Variants in LRP6 observed in about 807,000 individuals in gnomAD.
LRP6 encodes the protein low-density lipoprotein receptor-related protein 6.
In LRP6, 43 loss-of-function variants were observed where a neutral mutation model predicts 184.1. The ratio of observed to expected loss-of-function variants is 0.23; its 90% confidence interval spans 0.18 to 0.30. The LOEUF is 0.30. LRP6 is among the 10% of genes least tolerant of loss of function. The probability of loss-of-function intolerance (pLI) is 1.00; values close to 1 mark genes in which losing one functional copy is unlikely to be tolerated. For synonymous variants in LRP6, 719 were observed against 684.9 expected (o/e 1.05, Z -0.78); for missense variants, 1,571 against 2,005.3 (o/e 0.78, Z 4.14).
chr12:12,121,139 G>GT lies in LRP6; in HGVS notation c.4828dup (p.Thr1610AsnfsTer20). On this transcript the variant is annotated frameshift_variant, in exon 23 of 23. Transcript: ENST00000261349. LOFTEE classifies it high-confidence loss of function. ...GAGGGCCCCTCCTCAGGAGGAGTCT[G>GT]TACAGGGAGAGGGTGGCGGTGGGTA... is the stretch of plus-strand genomic sequence containing the variant. 1 of 1,611,872 alleles carries GT rather than the reference G, an allele frequency of 6.2e-7. No homozygotes were observed.
At chr12:12,167,088 T>G (rs1415957336) in intron 7 of LRP6, among the ~76,000 whole-genome samples, 1 of 152,030 alleles carries the variant, frequency 6.6e-6, no homozygotes, top group South Asian at 2.1e-4. Context: ...AACTCCAGCC[T>G]AGGAAAAAAA....
chr12:12,243,116 T>C (rs1291449708), intron 2 of LRP6, among the ~76,000 whole-genome samples: 1 of 152,226 alleles, frequency 6.6e-6, no homozygotes, highest in Admixed American at 6.5e-5. Context: ...CATGTTCAGA[T>C]AGTTATCTAT....
At chr12:12,245,227 T>C (rs1369499438) in intron 1 of LRP6, among the ~76,000 whole-genome samples, 1 of 152,156 alleles carries the variant, frequency 6.6e-6, no homozygotes, top group Non-Finnish European at 1.5e-5. Context: ...GATAAAAAAC[T>C]GTGATACTGC....
intron 2 of LRP6, among the ~76,000 whole-genome samples, chr12:12,224,034 T>C (rs146010134): frequency 2.0e-5 from 3 of 152,318 alleles, no homozygotes; most frequent in African/African-American, 7.2e-5. Context: ...CCTTTAGTAT[T>C]ACAGGCACTA....
intron 7 of LRP6, among the ~76,000 whole-genome samples, chr12:12,166,128 G>C (rs917116230): frequency 6.6e-6 from 1 of 152,120 alleles, no homozygotes; most frequent in African/African-American, 2.4e-5. Context: ...GGTAGGAGCA[G>C]ATATTGTTCA....
chr12:12,224,177 T>C (rs1864556272), intron 2 of LRP6, among the ~76,000 whole-genome samples: 1 of 152,228 alleles, frequency 6.6e-6, no homozygotes, highest in Non-Finnish European at 1.5e-5. Flanking sequence ...CCCAGCCTCC[T>C]AAAAGATGGT....
At chr12:12,176,223 A>AG (rs1863179353) in intron 7 of LRP6, among the ~76,000 whole-genome samples, 2 of 152,208 alleles carry the variant, frequency 1.3e-5, no homozygotes. Flanking sequence ...TGGTGGCAGA[A>AG]GTACTGTGCA....
chr12:12,246,387 A>G (rs1436856060), intron 1 of LRP6, among the ~76,000 whole-genome samples: 1 of 151,768 alleles, frequency 6.6e-6, no homozygotes, highest in Non-Finnish European at 1.5e-5. Context: ...ACACATCTAG[A>G]GGCTGGAATG....
At chr12:12,193,683 G>A (rs1240316108) in intron 3 of LRP6, among the ~76,000 whole-genome samples, 2 of 151,828 alleles carry the variant, frequency 1.3e-5, no homozygotes, top group Non-Finnish European at 2.9e-5. Flanking sequence ...ACTGACTCAA[G>A]AAGAAACAGA....
intron 2 of LRP6, among the ~76,000 whole-genome samples, chr12:12,231,857 A>G (rs2135893062): frequency 6.6e-6 from 1 of 152,100 alleles, no homozygotes; most frequent in East Asian, 1.9e-4. Flanking sequence ...TCTACAAAAG[A>G]TATGAAAATT....
chr12:12,248,192 A>AT (rs1268109997), intron 1 of LRP6, among the ~76,000 whole-genome samples: 4 of 152,068 alleles, frequency 2.6e-5, no homozygotes, highest in African/African-American at 9.7e-5. Context: ...CCTCCTCTCT[A>AT]CAACTTCGCT....
chr12:12,253,021 T>C (rs1045541522), intron 1 of LRP6, among the ~76,000 whole-genome samples: 1 of 152,192 alleles, frequency 6.6e-6, no homozygotes, highest in African/African-American at 2.4e-5. Context: ...CCCAGCACTT[T>C]GGGGGGCTGA....
At chr12:12,232,856 A>G (rs1864828617) in intron 2 of LRP6, among the ~76,000 whole-genome samples, 1 of 152,228 alleles carries the variant, frequency 6.6e-6, no homozygotes, top group Admixed American at 6.5e-5. Flanking sequence ...AAATAACTTA[A>G]GGACACAAGA....
At position 12,236,469 on chromosome 12, in the gene LRP6, C is replaced by T. The variant is rs866084166; in HGVS notation, c.449+7793G>A. On this transcript the variant is annotated intron_variant, in intron 2 of 22. Coordinates refer to ENST00000261349, the MANE Select transcript of LRP6 (RefSeq NM_002336.3). ...TAACAGAACATTTCTGACACCAGAT[C>T]GCTGGGCGGGGTGACGGGGGGGTTC... is the stretch of plus-strand genomic sequence containing the variant. 5.9e-5 allele frequency among the ~76,000 whole-genome samples: 9 copies of T among 152,300 alleles called. No individual in the cohort carries two copies. In the South Asian group the frequency reaches 1.9e-3, roughly 32 times the overall value.
Position 12,243,757 on chromosome 12 carries a change from A to C in LRP6, c.449+505T>G, listed in dbSNP as rs368031615. 2.8e-4 allele frequency among the ~76,000 whole-genome samples: 42 copies of C among 152,266 alleles called. No homozygotes were observed. In the East Asian group the frequency reaches 7.0e-3, roughly 25 times the overall value. ...ACGGTGAAATTCTGTCTCTACAAAAAAAAATTTTTTTGAGACAAAGTCTCA... is the reference window on the plus strand; with the variant it reads ...ACGGTGAAATTCTGTCTCTACAAAACAAAATTTTTTTGAGACAAAGTCTCA... On this transcript the variant is annotated intron_variant, in intron 2 of 22. Coordinates refer to ENST00000261349, the MANE Select transcript of LRP6 (RefSeq NM_002336.3).
intron 2 of LRP6, among the ~76,000 whole-genome samples, chr12:12,235,341 C>A (rs947504861): frequency 6.6e-6 from 1 of 152,124 alleles, no homozygotes; most frequent in Non-Finnish European, 1.5e-5. Flanking sequence ...TTTGTTTTTA[C>A]GTATAGCAAA....
intron 2 of LRP6, among the ~76,000 whole-genome samples, chr12:12,240,055 GAC>G (rs917235334): frequency 2.0e-5 from 3 of 149,580 alleles, no homozygotes; most frequent in Admixed American, 1.3e-4. Context: ...CACACAAAGA[GAC>G]ACACACCACG....
intron 3 of LRP6, among the ~76,000 whole-genome samples, chr12:12,196,647 A>G (rs778118878): frequency 1.3e-5 from 2 of 151,678 alleles, no homozygotes; most frequent in Non-Finnish European, 2.9e-5. Flanking sequence ...CTTCCTTACA[A>G]TCTCTCCGTT....
intron 16 of LRP6, among the ~76,000 whole-genome samples, chr12:12,137,660 A>C (rs925505390): frequency 6.6e-6 from 1 of 152,176 alleles, no homozygotes; most frequent in Non-Finnish European, 1.5e-5. Flanking sequence ...GGGGAAGTAT[A>C]GAGAGGGAAG....
Sources: allele counts gnomAD v4.1 joint callset (sites outside exome capture counted in the v4.1 genomes callset), GRCh38; gene constraint gnomAD v4.1.1; transcripts MANE v1.5; gene names NCBI Gene and HGNC (gene_info 2026-07-23, HGNC 2026-07-21).